INPP5F: variants seen among roughly 807,000 people sequenced by gnomAD.
The protein encoded by INPP5F is inositol polyphosphate-5-phosphatase F, also known as phosphatidylinositide 4-phosphatase SAC2.
INPP5F carries 97 observed loss-of-function variants against 137.2 expected under a neutral mutation model. That is an observed-to-expected ratio of 0.71 (90% confidence interval 0.60 to 0.84). The LOEUF (loss-of-function observed/expected upper bound fraction) is 0.84. Ranked by LOEUF, INPP5F falls within the 40% of genes least tolerant of loss-of-function variation. The probability of loss-of-function intolerance (pLI) is 0.00; values close to 1 mark genes in which losing one functional copy is unlikely to be tolerated. For synonymous variants in INPP5F, 504 were observed against 476.9 expected, an observed-to-expected ratio of 1.06 and a Z score of -0.74; for missense variants, 1,271 against 1,371.9, an observed-to-expected ratio of 0.93 and a Z score of 1.16.
rs1198261774 is a variant in INPP5F at position 119,827,376 on chromosome 10, A to T, written c.2995A>T (p.Thr999Ser). Residue 999 changes from threonine to serine, a missense_variant, in exon 20 of 20, where the codon ACC becomes TCC. Around this residue, in one of 6 missense-constraint regions of INPP5F, gnomAD observed 490 missense variants for 443.7 expected, o/e 1.10. Coordinates refer to ENST00000650623, the MANE Select transcript of INPP5F (RefSeq NM_014937.4). Reference protein sequence around the residue: ...NQMTNQVSNETQSESTEQTPS... With the variant: ...NQMTNQVSNESQSESTEQTPS... ...AATGACCAATCAAGTTTCAAATGAA[A>T]CCCAATCAGAATCAACAGAACAGAC... 2.5e-6 allele frequency: 4 copies of T among 1,613,970 alleles called. No homozygotes were observed. Among genetic ancestry groups the T allele is most frequent in the Non-Finnish European group, 3.4e-6 (4 of 1,180,018 alleles).
At position 119,748,653 on chromosome 10, in the gene INPP5F, G is replaced by A. The variant is rs1444765552; in HGVS notation, c.98-2423G>A. 6.6e-6 allele frequency among the ~76,000 whole-genome samples: 1 copy of A among 152,138 alleles called. No individual in the cohort carries two copies. Among genetic ancestry groups the A allele is most frequent in the Non-Finnish European group, 1.5e-5 (1 of 68,024 alleles). On this transcript the variant is annotated intron_variant, in intron 1 of 19. Coordinates refer to ENST00000650623, the MANE Select transcript of INPP5F (RefSeq NM_014937.4). This position sits in a 1 kb window ranked among gnomAD's most constrained non-coding sequence, Gnocchi z 4.7. ...GGGGCAGCTCCCTCCCGCAGCTGGT[G>A]GTCTGGACATCTGTGAGTCTGGCTG...
At position 119,829,072 on chromosome 10, in the gene INPP5F, T is replaced by G. The variant is rs1233985407; in HGVS notation, c.*1292T>G. 1 of 152,628 alleles carries G rather than the reference T, an allele frequency of 6.6e-6. No individual in the cohort carries two copies. The highest frequency in any genetic ancestry group is 6.5e-5 in the Admixed American group (1 of 15,284). The allele number at this position is 152,628 out of a possible 1,614,324, so 9.5% of individuals were successfully genotyped here. ...TGATAAGCATTCCACTTTTGTTATT[T>G]ATTAGTGCTATCTTTTTTTTTTACG... is the stretch of plus-strand genomic sequence containing the variant. On this transcript the variant is annotated 3_prime_UTR_variant, in exon 20 of 20. Transcript: ENST00000650623.
intron 1 of INPP5F, among the ~76,000 whole-genome samples, chr10:119,733,177 A>G (rs1435048771): frequency 2.0e-5 from 3 of 152,238 alleles, no homozygotes; most frequent in Non-Finnish European, 4.4e-5. Flanking sequence ...AGCCTCTCAA[A>G]TGTCAAAGCA....
chr10:119,780,262 T>C (rs1406151775), intron 2 of INPP5F, among the ~76,000 whole-genome samples: 1 of 151,818 alleles, frequency 6.6e-6, no homozygotes, highest in Non-Finnish European at 1.5e-5. Flanking sequence ...TAGGTATTCT[T>C]TTATGCTTTG....
chr10:119,765,051 A>G (rs1007471291), intron 2 of INPP5F, among the ~76,000 whole-genome samples: 16 of 150,012 alleles, frequency 1.1e-4, no homozygotes, highest in African/African-American at 3.7e-4. Context: ...TCCTGCCTCA[A>G]CCTCCCGAGT....
intron 6 of INPP5F, 97 bp downstream of exon 6, chr10:119,792,310 T>C: frequency 1.2e-6 from 1 of 821,866 alleles, no homozygotes; most frequent in South Asian, 1.7e-5. Context: ...GTTTTTTAAT[T>C]ATATTAAGAT....
At position 119,760,377 on chromosome 10, in the gene INPP5F, C is replaced by T. The variant is rs534312654; in HGVS notation, c.178+9221C>T. Among the ~76,000 whole-genome samples, 6 of 152,270 alleles carry T rather than the reference C, an allele frequency of 3.9e-5. No homozygotes were observed. In the East Asian group the frequency reaches 1.2e-3, roughly 29 times the overall value. ...ACTGCTTGAGGCCAGGAGCTCGAGG[C>T]TACAGTGTGCTATGATCATGCCTGT... On this transcript the variant is annotated intron_variant, in intron 2 of 19. Coordinates refer to ENST00000650623, the MANE Select transcript of INPP5F (RefSeq NM_014937.4).
chr10:119,776,728 G>T (rs757833351), intron 2 of INPP5F, among the ~76,000 whole-genome samples: 23 of 151,362 alleles, frequency 1.5e-4, no homozygotes, highest in Admixed American at 5.3e-4. Flanking sequence ...GAGAAAGAGA[G>T]GTCCTTGAGT....
intron 16 of INPP5F, among the ~76,000 whole-genome samples, chr10:119,821,356 G>GTGTA: frequency 6.6e-6 from 1 of 151,988 alleles, no homozygotes; most frequent in South Asian, 2.1e-4. Context: ...GTGTGTGTGT[G>GTGTA]TGTGCATGTG....
chr10:119,745,948 C>G lies in INPP5F; in HGVS notation c.98-5128C>G, dbSNP rs762692686. ...TTGAACTCCTGACCTGTGATCCGCC[C>G]GCCTTGGCCTCCCAAAGTGCTGGGA... is the stretch of plus-strand genomic sequence containing the variant. On this transcript the variant is annotated intron_variant, in intron 1 of 19. Transcript: ENST00000650623. 2.0e-5 allele frequency among the ~76,000 whole-genome samples: 3 copies of G among 152,040 alleles called. No homozygotes were observed. In the South Asian group the frequency reaches 6.2e-4, roughly 31 times the overall value.
At chr10:119,817,510 C>CT (rs1005702662) in intron 15 of INPP5F, among the ~76,000 whole-genome samples, 1 of 152,140 alleles carries the variant, frequency 6.6e-6, no homozygotes, top group African/African-American at 2.4e-5. Flanking sequence ...ACTTATTTTC[C>CT]TTTTTTTCTA....
At chr10:119,737,244 A>G (rs957870638) in intron 1 of INPP5F, among the ~76,000 whole-genome samples, 7 of 152,148 alleles carry the variant, frequency 4.6e-5, no homozygotes, top group African/African-American at 1.7e-4. Flanking sequence ...CCGCCTCCCT[A>G]TATTATGAGA....
chr10:119,783,548 A>G (rs144505739), intron 3 of INPP5F, among the ~76,000 whole-genome samples: 2 of 152,198 alleles, frequency 1.3e-5, no homozygotes, highest in African/African-American at 2.4e-5. Flanking sequence ...GATGTCCTTC[A>G]TGGCCACCAA....
intron 1 of INPP5F, among the ~76,000 whole-genome samples, chr10:119,737,384 T>G (rs960129734): frequency 2.0e-5 from 3 of 152,198 alleles, no homozygotes; most frequent in Non-Finnish European, 4.4e-5. Flanking sequence ...ATATAATCAT[T>G]TAGACCAGTG....
chr10:119,780,354 T>C (rs1248413100), intron 2 of INPP5F, among the ~76,000 whole-genome samples: 2 of 152,150 alleles, frequency 1.3e-5, no homozygotes, highest in Admixed American at 6.5e-5. Flanking sequence ...GCTGGCAGAT[T>C]GCTTGAGCCC....
chr10:119,811,744 A>C lies in INPP5F; in HGVS notation c.1688-13A>C. ...AACTAAAATGATGATAGATATTAACAATTCCACCCTAGATTTGATGCAAGG... is the reference window on the plus strand; with the variant it reads ...AACTAAAATGATGATAGATATTAACCATTCCACCCTAGATTTGATGCAAGG... On this transcript the variant is annotated splice_polypyrimidine_tract_variant and intron_variant, in intron 14 of 19. Coordinates refer to ENST00000650623, the MANE Select transcript of INPP5F (RefSeq NM_014937.4). The C allele has an allele frequency of 2.5e-6, 4 of 1,600,058 alleles. No homozygotes were observed. Among genetic ancestry groups the C allele is most frequent in the Non-Finnish European group, 3.4e-6 (4 of 1,170,762 alleles).
intron 1 of INPP5F, among the ~76,000 whole-genome samples, chr10:119,731,337 A>C (rs564474914): frequency 6.6e-6 from 1 of 152,150 alleles, no homozygotes; most frequent in East Asian, 1.9e-4. Flanking sequence ...TACTTAAAAA[A>C]AAAAAAGGAT....
chr10:119,728,798 C>T (rs1023627361), intron 1 of INPP5F, among the ~76,000 whole-genome samples: 9 of 152,196 alleles, frequency 5.9e-5, no homozygotes, highest in Admixed American at 5.9e-4. Context: ...CAGATGCTAC[C>T]CCTCATCCTT....
At position 119,807,919 on chromosome 10, in the gene INPP5F, G is replaced by A. The variant is rs771765374; in HGVS notation, c.1441-13G>A. The A allele has an allele frequency of 1.2e-6, 2 of 1,603,472 alleles. No homozygotes were observed. The highest frequency in any genetic ancestry group is 1.7e-5 in the Admixed American group (1 of 58,174). ...GCCCATATACAGTTAATCCACCAAT[G>A]TGTTCATTTTAGCTGAAAAAATTAG... On this transcript the variant is annotated splice_polypyrimidine_tract_variant and intron_variant, in intron 12 of 19. Coordinates refer to ENST00000650623, the MANE Select transcript of INPP5F (RefSeq NM_014937.4).
Sources: gnomAD v4.1 joint callset for allele counts (sites outside exome capture counted in the v4.1 genomes callset) on GRCh38, gnomAD v4.1.1 for gene constraint, gnomAD v4.1.1 regional missense constraint, Gnocchi (gnomAD v3.1) non-coding constraint, MANE v1.5 for transcripts, NCBI Gene and HGNC (gene_info 2026-07-23, HGNC 2026-07-21) for gene names.